Variants in TPPP observed in about 807,000 individuals in gnomAD.
TPPP encodes tubulin polymerization-promoting protein.
In TPPP, 6 loss-of-function variants were observed where a neutral mutation model predicts 15.5. The ratio of observed to expected loss-of-function variants is 0.39; its 90% CI spans 0.21 to 0.77. TPPP has a LOEUF of 0.77. Ranked by LOEUF, TPPP falls within the 30% of genes least tolerant of loss-of-function variation. The pLI, the probability that TPPP is intolerant of heterozygous loss-of-function variation, is 0.42. For synonymous variants in TPPP, 146 were observed against 133.9 expected (o/e 1.09, Z -0.63); for missense variants, 269 against 307.2 (o/e 0.88, Z 0.93).
At position 659,963 on chromosome 5, in the gene TPPP, C is replaced by T. The variant is rs1001785863; in HGVS notation, c.*5139G>A. 1 of 152,374 alleles carries T rather than the reference C, an allele frequency of 6.6e-6. No individual in the cohort carries two copies. The highest frequency in any genetic ancestry group is 2.4e-5 in the African/African-American group (1 of 41,458). 9.4% of individuals were successfully genotyped at this position (152,374 alleles called of 1,614,324 possible). ...GTGCACACAGACACGAGCTGTTTCA[C>T]TACAGGTTTGCAAGCCAGGCTCAAC... On this transcript the variant is annotated 3_prime_UTR_variant, in exon 4 of 4. Coordinates refer to ENST00000360578, the MANE Select transcript of TPPP (RefSeq NM_007030.3).
At chr5:675,241 TGCAGG>T (rs1228941451) in intron 2 of TPPP, among the ~76,000 whole-genome samples, 9 of 28,434 alleles carry the variant, frequency 3.2e-4, no homozygotes, top group African/African-American at 1.4e-3. Flanking sequence ...GGGGGTGCAG[TGCAGG>T]GGGTACAGTG....
rs538571986 is a variant in TPPP, at chr5:677,994, A to G, written c.67T>C (p.Ser23Pro). The change falls in exon 2 of 4, where the codon TCG (serine) becomes CCG (proline). Residue 23 changes from serine (S) to proline (P), a missense_variant. Transcript: ENST00000360578. ...RTPPKSPGDPSKDRAAKRLSL... is the reference protein window; with the variant it reads ...RTPPKSPGDPPKDRAAKRLSL... ...AGCCTCTTGGCTGCCCGGTCCTTCG[A>G]GGGGTCCCCCGGGGACTTGGGGGGC... 1 of 1,607,824 alleles carries G rather than the reference A, an allele frequency of 6.2e-7. No homozygotes were observed. The highest frequency in any genetic ancestry group is 1.7e-5 in the Admixed American group (1 of 59,274).
chr5:665,919 G>GGCCCCCC, intron 3 of TPPP, 51 bp downstream of exon 3: 1 of 344,042 alleles, frequency 2.9e-6, no homozygotes, highest in Non-Finnish European at 4.0e-6. Context: ...CACCTTCCAG[G>GGCCCCCC]CCCCGCCCCC....
At chr5:680,365 C>A (rs1418884575) in intron 1 of TPPP, among the ~76,000 whole-genome samples, 1 of 88,330 alleles carries the variant, frequency 1.1e-5, no homozygotes, top group African/African-American at 7.9e-5. Context: ...TGGATACCCA[C>A]GTCCACTGTC....
At chr5:686,524 C>T (rs111273191) in intron 1 of TPPP, among the ~76,000 whole-genome samples, 13,056 of 122,746 alleles carry the variant, frequency 0.11, 602 homozygotes, top group African/African-American at 0.24. Flanking sequence ...GGGTTACCCT[C>T]GGGGCTCCGG....
Position 677,758 on chromosome 5 carries a change from G to C in TPPP, c.303C>G (p.Ser101Arg), listed in dbSNP as rs1038490634. 6.4e-6 allele frequency: 10 copies of C among 1,565,670 alleles called. No homozygotes were observed. Among genetic ancestry groups the C allele is most frequent in the Non-Finnish European group, 7.8e-6 (9 of 1,153,246 alleles). The change falls in exon 2 of 4, where the codon AGC (serine) becomes AGG (arginine). Residue 101 changes from serine (S) to arginine (R), a missense_variant. Physicochemically the swap from Ser to Arg is moderately radical, Grantham distance 110. Coordinates refer to ENST00000360578, the MANE Select transcript of TPPP (RefSeq NM_007030.3). ...GAGCCCAGCGCACTCACTTGATCTT[G>C]CTGAAGACGATGTCCACGTCAGTGA... The part of the protein sequence containing the change: ...VTVTDVDIVF[S>R]KIKGKSCRTI...
intron 2 of TPPP, among the ~76,000 whole-genome samples, chr5:677,306 C>T (rs1214626454): frequency 6.6e-6 from 1 of 152,222 alleles, no homozygotes. Context: ...CACAGAGGGT[C>T]AGGAGCTCTG....
In TPPP at chr5:660,707, C is replaced by T. The variant is rs1334173730; in HGVS notation, c.*4395G>A. 1 of 152,344 alleles carries T rather than the reference C, an allele frequency of 6.6e-6. No homozygotes were observed. The highest frequency in any genetic ancestry group is 1.5e-5 in the Non-Finnish European group (1 of 68,080). The allele number at this position is 152,344 out of a possible 1,614,324, so 9.4% of individuals were successfully genotyped here. A position where few individuals can be genotyped will look rare whatever the true frequency, so the allele number is the denominator to read the frequency against. ...CACTCCACTTGTACAGCAGGAGCCA[C>T]AGGCCTGTGTGAAAACACAGGACAG... On this transcript the variant is annotated 3_prime_UTR_variant, in exon 4 of 4. Coordinates refer to ENST00000360578, the MANE Select transcript of TPPP (RefSeq NM_007030.3).
chr5:697,611 G>A (rs1368091888), upstream of TPPP, among the ~76,000 whole-genome samples: 1 of 152,058 alleles, frequency 6.6e-6, no homozygotes, highest in Non-Finnish European at 1.5e-5. Flanking sequence ...GTAAAGCCGA[G>A]ATGGCTCCAA....
intron 1 of TPPP, among the ~76,000 whole-genome samples, chr5:683,878 G>C (rs1338406295): frequency 6.6e-6 from 1 of 152,250 alleles, no homozygotes; most frequent in African/African-American, 2.4e-5. Context: ...CGGATACCCC[G>C]GCCTCCACAG....
intron 2 of TPPP, among the ~76,000 whole-genome samples, chr5:673,956 T>C (rs906639884): frequency 5.9e-5 from 9 of 152,204 alleles, no homozygotes; most frequent in African/African-American, 2.2e-4. Context: ...TGTGTGCACA[T>C]GCGGCCATGT....
intron 2 of TPPP, among the ~76,000 whole-genome samples, chr5:669,425 C>T (rs976000579): frequency 4.6e-5 from 7 of 152,300 alleles, no homozygotes; most frequent in African/African-American, 9.6e-5. Context: ...AGGCAGCCCA[C>T]AGTGCCTGGA....
Position 666,006 on chromosome 5 carries a change from G to A in TPPP, c.429C>T (p.Leu143=), listed in dbSNP as rs1361828290. Residue 143 remains leucine (L), a synonymous_variant, in exon 3 of 4, where the codon CTC becomes CTT. Transcript: ENST00000360578. The part of the protein sequence containing the change: ...SEEAVREVHR[L]IEGKAPIISG... ...AGATGATGGGCGCCTTGCCCTCGAT[G>A]AGCCTGTGCACCTCGCGAACGGCCT... 1.3e-6 allele frequency: 2 copies of A among 1,598,596 alleles called. No homozygotes were observed. The highest frequency in any genetic ancestry group is 1.4e-5 in the African/African-American group (1 of 72,782).
At chr5:691,900 A>C (rs1366148769) in intron 1 of TPPP, among the ~76,000 whole-genome samples, 12 of 54,642 alleles carry the variant, frequency 2.2e-4, no homozygotes, top group Admixed American at 5.2e-4. Flanking sequence ...AGCCCCCCAA[A>C]CCCCCATCAA....
chr5:699,065 T>C, the TPPP span, among the ~76,000 whole-genome samples: 2 of 151,898 alleles, frequency 1.3e-5, no homozygotes, highest in Non-Finnish European at 2.9e-5. Flanking sequence ...AGAATCAATA[T>C]TGTTAAAAAT....
At chr5:666,380 C>T (rs1739914913) in intron 2 of TPPP, among the ~76,000 whole-genome samples, 2 of 152,250 alleles carry the variant, frequency 1.3e-5, no homozygotes, top group Admixed American at 1.3e-4. Context: ...CTGCACTCTG[C>T]TGGGGCAGTG....
intron 2 of TPPP, among the ~76,000 whole-genome samples, chr5:668,578 AG>A (rs1561082415): frequency 6.6e-6 from 1 of 152,230 alleles, no homozygotes; most frequent in Non-Finnish European, 1.5e-5. Flanking sequence ...CGAGCTGAGC[AG>A]GCCGCGGGGT....
At chr5:688,358 T>C (rs1172432799) in intron 1 of TPPP, among the ~76,000 whole-genome samples, 1 of 145,192 alleles carries the variant, frequency 6.9e-6, no homozygotes, top group African/African-American at 2.5e-5. Flanking sequence ...CACGAGCACC[T>C]GGGGCTCCTC....
chr5:675,651 A>G (rs1740407215), intron 2 of TPPP, among the ~76,000 whole-genome samples: 1 of 151,746 alleles, frequency 6.6e-6, no homozygotes, highest in African/African-American at 2.4e-5. Flanking sequence ...TGTTGGACGG[A>G]CCCTCGAGGG....
Sources: allele counts gnomAD v4.1 joint callset (sites outside exome capture counted in the v4.1 genomes callset), GRCh38; gene constraint gnomAD v4.1.1; transcripts MANE v1.5; gene names NCBI Gene and HGNC (gene_info 2026-07-23, HGNC 2026-07-21).